ART3: variants seen among roughly 807,000 people sequenced by gnomAD.
The protein encoded by ART3 is ADP-ribosyltransferase 3 (inactive), also known as ecto-ADP-ribosyltransferase 3.
In ART3, 49 loss-of-function variants were observed where a neutral mutation model predicts 48.5. The observed-to-expected ratio is 1.01, with a 90% CI of 0.80 to 1.28. The LOEUF (loss-of-function observed/expected upper bound fraction) is 1.28, where lower values mean the gene tolerates loss of function less well. ART3 is among the 50% of genes most tolerant of loss of function. The probability of loss-of-function intolerance (pLI) is 0.00; values close to 1 mark genes in which losing one functional copy is unlikely to be tolerated. For synonymous variants in ART3, 145 were observed against 157.2 expected (o/e 0.92, Z 0.58); for missense variants, 438 against 454.3 (o/e 0.96, Z 0.33).
chr4:76,030,393 G>C (rs1276286233), intron 1 of ART3, among the ~76,000 whole-genome samples: 1 of 152,154 alleles, frequency 6.6e-6, no homozygotes, highest in African/African-American at 2.4e-5. Flanking sequence ...TCACTGTCTT[G>C]ATTATTTTTG....
At chr4:76,024,989 T>C (rs1191807130) in intron 1 of ART3, among the ~76,000 whole-genome samples, 1 of 152,126 alleles carries the variant, frequency 6.6e-6, no homozygotes, top group East Asian at 1.9e-4. Context: ...GTAAATGGAA[T>C]TTGCTAGAGA....
intron 8 of ART3, 51 bp from the exon 9 acceptor site, chr4:76,103,886 A>C: frequency 6.5e-7 from 1 of 1,531,112 alleles, no homozygotes; most frequent in Non-Finnish European, 9.0e-7. Context: ...AAGAGTATTA[A>C]CAGTATAAGA....
At chr4:76,068,021 C>G (rs1719912645) in intron 1 of ART3, among the ~76,000 whole-genome samples, 1 of 152,146 alleles carries the variant, frequency 6.6e-6, no homozygotes, top group African/African-American at 2.4e-5. Flanking sequence ...GTTCTCTTTC[C>G]TCATCATTCA....
chr4:76,039,532 T>A (rs77098137), intron 1 of ART3, among the ~76,000 whole-genome samples: 1 of 152,196 alleles, frequency 6.6e-6, no homozygotes, highest in African/African-American at 2.4e-5. Context: ...GAGTTGACAT[T>A]GTTATAGCAT....
At chr4:76,076,881 G>A (rs73825877) in intron 2 of ART3, among the ~76,000 whole-genome samples, 3,787 of 151,576 alleles carry the variant, frequency 0.025, 146 homozygotes, top group African/African-American at 0.085. Flanking sequence ...ATTACTTGTG[G>A]GTATTTGTGC....
At position 76,044,279 on chromosome 4, in the gene ART3, A is replaced by T. The variant is rs1443210515; in HGVS notation, c.-9-31602A>T. On this transcript the variant is annotated intron_variant, in intron 1 of 9. Coordinates refer to the ART3 transcript ENST00000341029. ...TCCTGTAAACGCCGGGCGGCATCTC[A>T]TACTATCCCCGACTGGTTAGTGTGA... is the stretch of plus-strand genomic sequence containing the variant. Among the ~76,000 whole-genome samples the T allele has an allele frequency of 2.2e-4, 34 of 151,918 alleles. 1 individual carries two copies. The highest frequency in any genetic ancestry group is 2.2e-3 in the Admixed American group (34 of 15,222).
Position 76,082,201 on chromosome 4 carries a change from G to A in ART3, c.447G>A (p.Leu149=), listed in dbSNP as rs779714816. The A allele has an allele frequency of 1.1e-5, 17 of 1,614,064 alleles. No homozygotes were observed. Among genetic ancestry groups the A allele is most frequent in the Non-Finnish European group, 1.4e-5 (17 of 1,180,040 alleles). ...HFYLTRALQL[L]RKPCEASSKT... is the part of the protein sequence containing the mutation. ...ACCTCACAAGAGCCCTGCAGTTGCT[G>A]AGAAAACCTTGTGAGGCCAGTTCCA... is the stretch of plus-strand genomic sequence containing the variant. The change falls in exon 3 of 12, where the codon CTG becomes CTA. Residue 149 remains leucine, a synonymous_variant. Transcript: ENST00000355810.
At chr4:76,110,462 C>G (rs1729272585) in intron 11 of ART3, among the ~76,000 whole-genome samples, 1 of 152,040 alleles carries the variant, frequency 6.6e-6, no homozygotes, top group South Asian at 2.1e-4. Flanking sequence ...CCAAAGGATA[C>G]TGAGGGATGA....
Position 76,082,230 on chromosome 4 carries a change from C to T in ART3, c.476C>T (p.Thr159Ile). Residue 159 changes from threonine (T) to isoleucine (I), a missense_variant, in exon 3 of 12, where the codon ACT becomes ATT. By Grantham distance (89) the Thr-to-Ile change is moderately conservative. Transcript: ENST00000355810. The part of the protein sequence containing the change: ...LRKPCEASSK[T>I]VVYRTSQGTS... ...AAACCTTGTGAGGCCAGTTCCAAAA[C>T]TGTGGTATATAGAACAAGCCAGGGC... 2.5e-6 allele frequency: 4 copies of T among 1,614,176 alleles called. No homozygotes were observed. The highest frequency in any genetic ancestry group is 3.4e-6 in the Non-Finnish European group (4 of 1,180,044).
Position 76,075,865 on chromosome 4 carries a change from CTTTAT to C in ART3, c.-9-11_-9-7del, listed in dbSNP as rs879400660. ...TTTTGAGTCTACTGAATTGAAATTTCTTTATTTTAATTTAGAAGAGAAAAATGAAG... is the reference window on the plus strand; with the variant it reads ...TTTTGAGTCTACTGAATTGAAATTTCTTTAATTTAGAAGAGAAAAATGAAG... On this transcript the variant is annotated splice_polypyrimidine_tract_variant and intron_variant, in intron 1 of 11. Transcript: ENST00000355810. 30 of 1,595,252 alleles carry C rather than the reference CTTTAT, an allele frequency of 1.9e-5. No individual in the cohort carries two copies. Among genetic ancestry groups the C allele is most frequent in the Non-Finnish European group, 2.6e-5 (30 of 1,167,304 alleles).
chr4:76,057,736 G>T (rs1718827287), intron 1 of ART3, among the ~76,000 whole-genome samples: 1 of 152,190 alleles, frequency 6.6e-6, no homozygotes, highest in Non-Finnish European at 1.5e-5. Context: ...GCTGAGTTGG[G>T]ATTTGAACTG....
chr4:76,035,989 T>C (rs761343612), intron 1 of ART3: 4 of 1,613,812 alleles, frequency 2.5e-6, no homozygotes, highest in Non-Finnish European at 3.4e-6. Context: ...CACACTCATG[T>C]TTGTTTTTTG....
intron 11 of ART3, 40 bp from the exon 12 acceptor site, chr4:76,112,346 A>G: frequency 6.4e-7 from 1 of 1,573,870 alleles, no homozygotes; most frequent in East Asian, 2.3e-5. Context: ...TACTTGACAT[A>G]AAAAATGATG....
intron 11 of ART3, chr4:76,112,131 G>A (rs62318926): frequency 0.15 from 58,646 of 395,016 alleles, 5,270 homozygotes; most frequent in East Asian, 0.36. Flanking sequence ...TTGGGAATCA[G>A]GTTACATGTA....
upstream of ART3, among the ~76,000 whole-genome samples, chr4:76,073,037 T>A (rs1002467403): frequency 2.0e-5 from 3 of 152,248 alleles, no homozygotes; most frequent in African/African-American, 7.2e-5. Flanking sequence ...ACTCACTACA[T>A]TCTAACATAC....
intron 1 of ART3, among the ~76,000 whole-genome samples, chr4:76,057,561 A>G (rs1173634393): frequency 6.6e-6 from 1 of 152,210 alleles, no homozygotes; most frequent in African/African-American, 2.4e-5. Context: ...AGTGCTTCCT[A>G]TTTGCCACAT....
At chr4:76,034,408 G>A in intron 1 of ART3, 1 of 469,142 alleles carries the variant, frequency 2.1e-6, no homozygotes, top group Non-Finnish European at 3.7e-6. Context: ...CAACAGAATA[G>A]TTGTAAGCAT....
At chr4:76,022,914 A>G (rs555133943) in intron 1 of ART3, 2 of 1,234,398 alleles carry the variant, frequency 1.6e-6, no homozygotes, top group African/African-American at 3.0e-5. Flanking sequence ...ATATCCCCAT[A>G]TCAGCAAATA....
At chr4:76,022,308 A>C (rs1474700718) in intron 1 of ART3, 3 of 1,381,446 alleles carry the variant, frequency 2.2e-6, no homozygotes, top group Non-Finnish European at 3.1e-6. Flanking sequence ...AGTATTTCTG[A>C]CTCCCAAGAT....
Sources: gnomAD v4.1 joint callset for allele counts (sites outside exome capture counted in the v4.1 genomes callset) on GRCh38, gnomAD v4.1.1 for gene constraint, MANE v1.5 for transcripts, NCBI Gene and HGNC (gene_info 2026-07-23, HGNC 2026-07-21) for gene names.